Variants in SMG1 observed in about 807,000 individuals in gnomAD.
SMG1 encodes the protein serine/threonine-protein kinase SMG1.
A neutral mutation model predicts 419.9 loss-of-function variants in SMG1; 22 were observed. The observed-to-expected ratio is 0.05, with a 90% confidence interval of 0.04 to 0.07. The LOEUF (loss-of-function observed/expected upper bound fraction) is 0.07. SMG1 is among the 10% of genes least tolerant of loss of function. The pLI, the probability that SMG1 is intolerant of heterozygous loss-of-function variation, is 1.00. For missense variants in SMG1, 3,185 were observed against 4,342.0 expected (o/e 0.73, Z 7.49); for synonymous variants, 1,538 against 1,553.5 (o/e 0.99, Z 0.23).
rs748033691 is a variant in SMG1 at position 18,838,214 on chromosome 16, G to A, written c.7213C>T (p.Arg2405Cys). 2.1e-5 allele frequency: 34 copies of A among 1,611,026 alleles called. No individual in the cohort carries two copies. Among genetic ancestry groups the A allele is most frequent in the Non-Finnish European group, 2.5e-5 (30 of 1,178,442 alleles). The change falls in exon 45 of 63, where the codon CGT becomes TGT. Residue 2405 changes from arginine (R) to cysteine (C), a missense_variant. Physicochemically the swap from Arg to Cys is radical, Grantham distance 180. Around this residue, in one of 27 missense-constraint regions of SMG1, gnomAD observed 60 missense variants for 133.9 expected, o/e 0.45. Transcript: ENST00000446231. Reference sequence around the variant, plus strand: ...AGCGTCAGCAGGGTCTCTCTGCCACGCCGCATAATGTGTAAAACCTGTTTT... The same window carrying A: ...AGCGTCAGCAGGGTCTCTCTGCCACACCGCATAATGTGTAAAACCTGTTTT... ...SCEQVLHIMR[R>C]GRETLLTLLE...
intron 51 of SMG1, among the ~76,000 whole-genome samples, chr16:18,831,058 C>T: frequency 6.6e-6 from 1 of 152,128 alleles, no homozygotes; most frequent in East Asian, 1.9e-4. Flanking sequence ...TACGATACAA[C>T]CAAGTATACT....
At chr16:18,854,285 A>C (rs2034775594) in intron 30 of SMG1, among the ~76,000 whole-genome samples, 1 of 151,002 alleles carries the variant, frequency 6.6e-6, no homozygotes, top group Non-Finnish European at 1.5e-5. Context: ...CTGAGATTTC[A>C]CTCTGTTGCC....
chr16:18,893,740 G>A (rs1312978975), intron 3 of SMG1, among the ~76,000 whole-genome samples: 1 of 151,694 alleles, frequency 6.6e-6, no homozygotes, highest in Non-Finnish European at 1.5e-5. Flanking sequence ...TCATTTCTAA[G>A]GTATGAGAAA....
rs1259299601 is a variant in SMG1 at position 18,890,845 on chromosome 16, C to G, written c.608+18G>C. The G allele has an allele frequency of 6.8e-7, 1 of 1,475,868 alleles. No individual in the cohort carries two copies. Among genetic ancestry groups the G allele is most frequent in the Non-Finnish European group, 9.5e-7 (1 of 1,057,134 alleles). 91.4% of individuals were successfully genotyped at this position (1,475,868 alleles called of 1,614,324 possible). A position where few individuals can be genotyped will look rare whatever the true frequency, so the allele number is the denominator to read the frequency against. ...ATATTTTAAAGTCATTTAAACTGAA[C>G]CATTATTAGTTACTTACCTTTCATT... On this transcript the variant is annotated intron_variant, in intron 5 of 62. Coordinates refer to ENST00000446231, the MANE Select transcript of SMG1 (RefSeq NM_015092.5).
intron 6 of SMG1, among the ~76,000 whole-genome samples, chr16:18,885,941 A>G (rs1275214283): frequency 3.9e-5 from 6 of 152,082 alleles, no homozygotes; most frequent in Admixed American, 3.9e-4. Context: ...GCCAGACTCC[A>G]TCTCAAAAAA....
chr16:18,818,080 A>G (rs906348886), intron 56 of SMG1, among the ~76,000 whole-genome samples: 1 of 31,064 alleles, frequency 3.2e-5, no homozygotes, highest in Non-Finnish European at 5.8e-5. Context: ...TGCCTAGCTA[A>G]AAAAAAAAAA....
At chr16:18,908,602 A>C (rs1334374126) in intron 1 of SMG1, among the ~76,000 whole-genome samples, 1 of 152,078 alleles carries the variant, frequency 6.6e-6, no homozygotes, top group Admixed American at 6.6e-5. Context: ...TGAATGGGCC[A>C]GGTGTGGTGG....
At chr16:18,922,492 G>A (rs1786200786) in intron 1 of SMG1, among the ~76,000 whole-genome samples, 2 of 152,324 alleles carry the variant, frequency 1.3e-5, no homozygotes, top group East Asian at 3.9e-4. Context: ...TTGAGAAGGA[G>A]TCTTGCTCTG....
chr16:18,817,606 G>T, intron 56 of SMG1, 136 bp from the exon 57 acceptor site: 1 of 681,894 alleles, frequency 1.5e-6, no homozygotes, highest in South Asian at 2.0e-5. Flanking sequence ...AAATGTTTGG[G>T]AAATAGACCA....
rs1480560103 is a variant in SMG1 at position 18,852,305 on chromosome 16, C to A, written c.4913+13G>T. ...TTATGCAATGCATAAATAAACTACACATTTAAACATACCTGGCATTGTCAA... is the reference window on the plus strand; with the variant it reads ...TTATGCAATGCATAAATAAACTACAAATTTAAACATACCTGGCATTGTCAA... On this transcript the variant is annotated intron_variant, in intron 32 of 62. Transcript: ENST00000446231. 4 of 1,607,582 alleles carry A rather than the reference C, an allele frequency of 2.5e-6. No individual in the cohort carries two copies. The highest frequency in any genetic ancestry group is 2.7e-5 in the African/African-American group (2 of 74,696).
chr16:18,845,304 A>C lies in SMG1; in HGVS notation c.6219+125T>G, dbSNP rs1346572513. On this transcript the variant is annotated intron_variant, in intron 39 of 62. Transcript: ENST00000446231. The stretch of plus-strand genomic sequence containing the variant: ...ATGTTCCTTATAAGCAACTGGCCAC[A>C]GGCTGCCTCCTATAGGCTTATAAAA... 3 of 757,786 alleles carry C rather than the reference A, an allele frequency of 4.0e-6. No individual in the cohort carries two copies. The Admixed American group carries it at 9.2e-5, about 23-fold the overall frequency. The allele number at this position is 757,786 out of a possible 1,614,324, so 46.9% of individuals were successfully genotyped here.
At chr16:18,827,103 A>G (rs1278502769) in intron 55 of SMG1, among the ~76,000 whole-genome samples, 3 of 152,076 alleles carry the variant, frequency 2.0e-5, no homozygotes, top group Non-Finnish European at 2.9e-5. Flanking sequence ...ACCTGTTACT[A>G]TAAGATTCAG....
rs771622395 is a variant in SMG1, at chr16:18,853,679, G to A, written c.4672C>T (p.Leu1558Phe). ...AGTATGTTTTTAGACAAAGTAGAAA[G>A]ACCTGTGAAGTTCTGTTGGTGCTGA... ...RAQHQQNFTG[L>F]STLSKNILTL... The change falls in exon 31 of 63, where the codon CTT becomes TTT. Residue 1558 changes from leucine to phenylalanine, a missense_variant. Physicochemically the swap from Leu to Phe is conservative, Grantham distance 22 (BLOSUM62 0). Coordinates refer to ENST00000446231, the MANE Select transcript of SMG1 (RefSeq NM_015092.5). The A allele has an allele frequency of 1.9e-6, 3 of 1,613,536 alleles. No individual in the cohort carries two copies. In the South Asian group the frequency reaches 3.3e-5, roughly 18 times the overall value.
chr16:18,923,887 T>G (rs1248509863), intron 1 of SMG1, among the ~76,000 whole-genome samples: 2 of 152,084 alleles, frequency 1.3e-5, no homozygotes, highest in East Asian at 1.9e-4. Flanking sequence ...TAATAAAAAT[T>G]TATGACTTGG....
intron 25 of SMG1, among the ~76,000 whole-genome samples, chr16:18,862,405 G>C (rs934467476): frequency 1.2e-4 from 19 of 152,178 alleles, no homozygotes; most frequent in African/African-American, 2.9e-4. Flanking sequence ...CTAGAGTATA[G>C]AGACTGAAAA....
intron 46 of SMG1, 96 bp from the exon 47 acceptor site, chr16:18,836,628 G>T: frequency 7.7e-7 from 1 of 1,302,324 alleles, no homozygotes; most frequent in Non-Finnish European, 1.1e-6. Context: ...GGACTGTCTG[G>T]TACGCTCCTT....
At chr16:18,897,908 A>G (rs1002725012) in intron 1 of SMG1, among the ~76,000 whole-genome samples, 7 of 152,070 alleles carry the variant, frequency 4.6e-5, no homozygotes, top group African/African-American at 1.4e-4. Context: ...AGAAAAAAAA[A>G]AAAAAGAAAA....
chr16:18,828,796 C>T (rs916451148), intron 54 of SMG1, among the ~76,000 whole-genome samples: 1 of 152,138 alleles, frequency 6.6e-6, no homozygotes, highest in Non-Finnish European at 1.5e-5. Flanking sequence ...CTCGGGAGTT[C>T]GAGACCAGCC....
chr16:18,834,160 T>C, intron 50 of SMG1, 44 bp downstream of exon 50: 2 of 1,377,180 alleles, frequency 1.5e-6, no homozygotes, highest in African/African-American at 1.4e-5. Context: ...AAAGACAATA[T>C]TCAGTATCTA....
Sources: gnomAD v4.1 joint callset for allele counts (sites outside exome capture counted in the v4.1 genomes callset) on GRCh38, gnomAD v4.1.1 for gene constraint, gnomAD v4.1.1 regional missense constraint, MANE v1.5 for transcripts, NCBI Gene and HGNC (gene_info 2026-07-23, HGNC 2026-07-21) for gene names.